GAB2: variants seen among roughly 807,000 people sequenced by gnomAD.
GAB2 encodes the protein GRB2-associated-binding protein 2.
A neutral mutation model predicts 65.5 loss-of-function variants in GAB2; 26 were observed. That is an observed-to-expected ratio of 0.40 (90% CI 0.29 to 0.55). The LOEUF is 0.55. GAB2 is among the 20% of genes least tolerant of loss of function. The pLI is 0.53. For synonymous variants in GAB2, 321 were observed against 329.6 expected (o/e 0.97, Z 0.28); for missense variants, 884 against 875.8 (o/e 1.01, Z -0.12).
intron 3 of GAB2, among the ~76,000 whole-genome samples, chr11:78,240,826 G>A (rs1194725657): frequency 6.6e-6 from 1 of 152,176 alleles, no homozygotes; most frequent in Non-Finnish European, 1.5e-5. Context: ...GCTGATAGAG[G>A]GTTCAACAGA....
chr11:78,324,728 A>G (rs1692298425), intron 1 of GAB2: 1 of 152,230 alleles, frequency 6.6e-6, no homozygotes, highest in African/African-American at 2.4e-5. Context: ...GCTGAGGTTC[A>G]GGGAAGTAAA....
intron 1 of GAB2, among the ~76,000 whole-genome samples, chr11:78,411,592 A>G (rs962064182): frequency 3.3e-5 from 5 of 152,360 alleles, no homozygotes; most frequent in South Asian, 2.1e-4. Flanking sequence ...CGGAAAAGCA[A>G]TTCAATGGAA....
intron 1 of GAB2, among the ~76,000 whole-genome samples, chr11:78,392,982 T>C (rs1856852937): frequency 6.6e-6 from 1 of 152,216 alleles, no homozygotes; most frequent in South Asian, 2.1e-4. Flanking sequence ...GAAAGATGAC[T>C]ATCCTTGAGA....
chr11:78,414,817 C>G (rs145287541), intron 1 of GAB2, among the ~76,000 whole-genome samples: 1 of 152,170 alleles, frequency 6.6e-6, no homozygotes, highest in Non-Finnish European at 1.5e-5. Flanking sequence ...TTTGCCTTTG[C>G]TTCTTCTAAG....
intron 2 of GAB2, among the ~76,000 whole-genome samples, chr11:78,273,280 C>A (rs1466153368): frequency 2.0e-5 from 3 of 152,210 alleles, no homozygotes; most frequent in Non-Finnish European, 4.4e-5. Flanking sequence ...TGCAGACATT[C>A]AATGCTAGCC....
chr11:78,365,604 T>A (rs1417131453), intron 1 of GAB2, among the ~76,000 whole-genome samples: 1 of 152,094 alleles, frequency 6.6e-6, no homozygotes, highest in African/African-American at 2.4e-5. Flanking sequence ...GTACAGTCAC[T>A]GATTGGGATT....
At chr11:78,262,606 C>G (rs1865763870) in intron 2 of GAB2, among the ~76,000 whole-genome samples, 1 of 152,140 alleles carries the variant, frequency 6.6e-6, no homozygotes, top group Non-Finnish European at 1.5e-5. Context: ...GCTGGCAGCT[C>G]TTTCTCAGCC....
intron 1 of GAB2, among the ~76,000 whole-genome samples, chr11:78,336,789 C>T (rs756435256): frequency 2.0e-5 from 3 of 152,078 alleles, no homozygotes; most frequent in African/African-American, 4.8e-5. Context: ...AGCATGGGAA[C>T]ATTAAGTGGC....
chr11:78,293,382 T>C (rs933128888), intron 1 of GAB2, among the ~76,000 whole-genome samples: 4 of 152,214 alleles, frequency 2.6e-5, no homozygotes, highest in South Asian at 2.1e-4. Context: ...CAAAGCACTA[T>C]ATAACTGTTC....
intron 1 of GAB2, among the ~76,000 whole-genome samples, chr11:78,372,299 GAA>G (rs1426397523): frequency 9.9e-5 from 15 of 152,282 alleles, no homozygotes; most frequent in South Asian, 6.2e-4. Context: ...GCTGAGAGAT[GAA>G]GAGTTTCCAT....
intron 1 of GAB2, among the ~76,000 whole-genome samples, chr11:78,411,806 C>T (rs1310049928): frequency 4.6e-5 from 7 of 151,342 alleles, no homozygotes; most frequent in Non-Finnish European, 7.4e-5. Context: ...CCAAGGTGGG[C>T]GGATCACGAG....
At chr11:78,357,488 T>C (rs911165077) in intron 1 of GAB2, among the ~76,000 whole-genome samples, 7 of 152,088 alleles carry the variant, frequency 4.6e-5, no homozygotes, top group Non-Finnish European at 2.9e-5. Context: ...ACCTACAGAA[T>C]GGGAGAAAAT....
At chr11:78,325,381 G>T (rs997098387) in intron 1 of GAB2, among the ~76,000 whole-genome samples, 1 of 152,186 alleles carries the variant, frequency 6.6e-6, no homozygotes, top group African/African-American at 2.4e-5. Flanking sequence ...AAAGTGATTT[G>T]CCTGAAGCCA....
At chr11:78,270,864 C>G (rs571407870) in intron 2 of GAB2, among the ~76,000 whole-genome samples, 62 of 152,222 alleles carry the variant, frequency 4.1e-4, no homozygotes, top group Non-Finnish European at 7.9e-4. Context: ...TGAGGAGCAT[C>G]ATCTCCATTT....
At chr11:78,230,167 C>T (rs1459534185) in intron 3 of GAB2, among the ~76,000 whole-genome samples, 3 of 152,194 alleles carry the variant, frequency 2.0e-5, no homozygotes, top group Admixed American at 6.5e-5. Context: ...AATAAACAAA[C>T]GTATGTTGCT....
chr11:78,264,189 A>G (rs1038959923), intron 2 of GAB2, among the ~76,000 whole-genome samples: 13 of 152,092 alleles, frequency 8.5e-5, no homozygotes, highest in African/African-American at 3.1e-4. Context: ...ATTGGACTGA[A>G]TCTACTGATT....
At chr11:78,268,799 G>T (rs911395696) in intron 2 of GAB2, among the ~76,000 whole-genome samples, 5 of 151,576 alleles carry the variant, frequency 3.3e-5, no homozygotes, top group Non-Finnish European at 7.4e-5. Flanking sequence ...ATAGGGTCAG[G>T]TTTCTCCCTG....
intron 2 of GAB2, among the ~76,000 whole-genome samples, chr11:78,269,711 G>C (rs1331613710): frequency 6.6e-6 from 1 of 152,170 alleles, no homozygotes; most frequent in African/African-American, 2.4e-5. Context: ...AGGATTACTA[G>C]AAGTTTAAGT....
At chr11:78,346,802 A>G (rs965439619) in intron 1 of GAB2, among the ~76,000 whole-genome samples, 1 of 149,374 alleles carries the variant, frequency 6.7e-6, no homozygotes, top group African/African-American at 2.5e-5. Context: ...ACAAAAGTGA[A>G]TAGCCTCAAA....
Sources: gnomAD v4.1 joint callset for allele counts (sites outside exome capture counted in the v4.1 genomes callset) on GRCh38, gnomAD v4.1.1 for gene constraint, MANE v1.5 for transcripts, NCBI Gene and HGNC (gene_info 2026-07-23, HGNC 2026-07-21) for gene names.